Variants in GARRE1 observed in about 807,000 individuals in gnomAD.
GARRE1 encodes granule associated Rac and RHOG effector protein 1.
In GARRE1, 49 loss-of-function variants were observed where a neutral mutation model predicts 103.2. The ratio of observed to expected loss-of-function variants is 0.47; its 90% CI spans 0.38 to 0.60. GARRE1 has a LOEUF of 0.60. Ranked by LOEUF, GARRE1 falls within the 20% of genes least tolerant of loss-of-function variation. GARRE1 has a pLI of 0.00. For missense variants in GARRE1, 1,199 were observed against 1,370.5 expected, an observed-to-expected ratio of 0.87 and a Z score of 1.98; for synonymous variants, 505 against 532.8, an observed-to-expected ratio of 0.95 and a Z score of 0.72.
At chr19:34,330,477 C>T in intron 7 of GARRE1, 130 bp downstream of exon 7, 1 of 884,976 alleles carries the variant, frequency 1.1e-6, no homozygotes, top group Non-Finnish European at 1.7e-6. Flanking sequence ...GGAATTTAGA[C>T]CAGGCAGGTA....
At position 34,300,814 on chromosome 19, in the gene GARRE1, C is replaced by T; in HGVS notation, c.341C>T (p.Ala114Val). ...AGGAACTCTCACTACTCAAAGGCAG[C>T]CACACAGCTCAAAGATGTGCAGGAG... ...VFRNSHYSKA[A>V]TQLKDVQEHV... Residue 114 changes from alanine (A) to valine (V), a missense_variant, in exon 2 of 14, where the codon GCC (alanine) becomes GTC (valine). By Grantham distance (64) the Ala-to-Val change is moderately conservative. Transcript: ENST00000299505. The T allele has an allele frequency of 6.2e-7, 1 of 1,614,204 alleles. No homozygotes were observed. The highest frequency in any genetic ancestry group is 1.1e-5 in the South Asian group (1 of 91,090).
intron 1 of GARRE1, among the ~76,000 whole-genome samples, chr19:34,281,982 C>G (rs561208671): frequency 6.6e-6 from 1 of 152,128 alleles, no homozygotes; most frequent in Non-Finnish European, 1.5e-5. Flanking sequence ...TTTATTCTCC[C>G]ATGGCTTATT....
At chr19:34,322,454 G>A (rs536119635) in intron 3 of GARRE1, among the ~76,000 whole-genome samples, 1 of 152,026 alleles carries the variant, frequency 6.6e-6, no homozygotes, top group Non-Finnish European at 1.5e-5. Context: ...TTACAGGTGT[G>A]AGCCACCATG....
At chr19:34,321,005 A>G (rs2074085347) in intron 3 of GARRE1, among the ~76,000 whole-genome samples, 1 of 147,404 alleles carries the variant, frequency 6.8e-6, no homozygotes, top group South Asian at 2.1e-4. Context: ...CTGCCTCCCA[A>G]AGTGCTGGGA....
chr19:34,352,091 G>A (rs1457516802), intron 13 of GARRE1, among the ~76,000 whole-genome samples: 1 of 149,882 alleles, frequency 6.7e-6, no homozygotes, highest in Admixed American at 6.6e-5. Context: ...GAGCGAGACT[G>A]CCTCTAAAAT....
intron 11 of GARRE1, chr19:34,348,259 CCA>C (rs2074221856): frequency 5.1e-6 from 2 of 390,472 alleles, no homozygotes; most frequent in African/African-American, 4.1e-5. Flanking sequence ...TGTGAACGTG[CCA>C]TTGGTATACA....
At chr19:34,333,659 G>C (rs1444091203) in intron 7 of GARRE1, 45 bp from the exon 8 acceptor site, 10 of 1,091,816 alleles carry the variant, frequency 9.2e-6, no homozygotes, top group Admixed American at 2.1e-5. Flanking sequence ...TTTTCTCTCT[G>C]AAAGCTGGTT....
intron 2 of GARRE1, among the ~76,000 whole-genome samples, chr19:34,313,545 C>T (rs1348414375): frequency 6.6e-6 from 1 of 152,156 alleles, no homozygotes; most frequent in African/African-American, 2.4e-5. Context: ...AGCGGCCTCA[C>T]CCAAGTGATG....
chr19:34,309,865 C>T (rs1030239883), intron 2 of GARRE1, among the ~76,000 whole-genome samples: 2 of 151,852 alleles, frequency 1.3e-5, no homozygotes, highest in African/African-American at 4.8e-5. Flanking sequence ...GTTAGAAAAC[C>T]CAAGGTGTAG....
At chr19:34,296,208 C>G (rs2073946297) in intron 1 of GARRE1, 1 of 547,268 alleles carries the variant, frequency 1.8e-6, no homozygotes, top group Non-Finnish European at 3.2e-6. Context: ...GGATCCCCGC[C>G]CCATGCAGAC....
intron 12 of GARRE1, 46 bp from the exon 13 acceptor site, chr19:34,351,468 G>C: frequency 6.8e-7 from 1 of 1,461,870 alleles, no homozygotes; most frequent in Non-Finnish European, 9.6e-7. Context: ...AGGTGGGCTG[G>C]GCAGGAAGCC....
intron 8 of GARRE1, among the ~76,000 whole-genome samples, chr19:34,338,628 A>G (rs531208911): frequency 6.6e-6 from 1 of 152,276 alleles, no homozygotes; most frequent in East Asian, 1.9e-4. Flanking sequence ...CCAAAATCTC[A>G]GGAAAGAGAA....
intron 2 of GARRE1, among the ~76,000 whole-genome samples, chr19:34,307,547 A>G (rs2074012647): frequency 6.7e-6 from 1 of 148,676 alleles, no homozygotes; most frequent in African/African-American, 2.5e-5. Context: ...TATGCCAGAC[A>G]TATATATAAA....
At chr19:34,321,958 TCTC>T (rs1230274731) in intron 3 of GARRE1, among the ~76,000 whole-genome samples, 1 of 152,076 alleles carries the variant, frequency 6.6e-6, no homozygotes, top group Non-Finnish European at 1.5e-5. Context: ...ATTGTGGGAT[TCTC>T]CTCTCGTGGT....
intron 1 of GARRE1, among the ~76,000 whole-genome samples, chr19:34,278,214 C>T (rs1199247831): frequency 2.0e-5 from 3 of 151,778 alleles, no homozygotes; most frequent in Non-Finnish European, 1.5e-5. Context: ...GAGGCTGAAG[C>T]GGGTGGATCA....
In GARRE1 at chr19:34,354,549, G is replaced by GT. The variant is rs2074259852; in HGVS notation, c.*1595dup. On this transcript the variant is annotated 3_prime_UTR_variant, in exon 14 of 14. Transcript: ENST00000299505. Reference sequence around the variant, plus strand: ...TAGCCGGGTGTGGTGGCGTGCGCCTGTAGTCCCAGCTACTCGGGAGGCTGA... The same window carrying GT: ...TAGCCGGGTGTGGTGGCGTGCGCCTGTTAGTCCCAGCTACTCGGGAGGCTGA... The GT allele has an allele frequency of 6.6e-6, 1 of 152,164 alleles. No individual in the cohort carries two copies. Among genetic ancestry groups the GT allele is most frequent in the African/African-American group, 2.4e-5 (1 of 41,412 alleles). The allele number at this position is 152,164 out of a possible 1,614,324, so 9.4% of individuals were successfully genotyped here.
chr19:34,293,403 A>T (rs1158040909), intron 1 of GARRE1, among the ~76,000 whole-genome samples: 4 of 146,734 alleles, frequency 2.7e-5, no homozygotes, highest in South Asian at 2.2e-4. Flanking sequence ...CTCTTGGAGC[A>T]TTTTTTTTTT....
Position 34,278,700 on chromosome 19 carries a change from A to AGGGT in GARRE1, c.-795-20978_-795-20975dup, listed in dbSNP as rs2073833036. Among the ~76,000 whole-genome samples the AGGGT allele has an allele frequency of 2.6e-5, 4 of 151,886 alleles. No homozygotes were observed. In the South Asian group the frequency reaches 8.3e-4, roughly 32 times the overall value. On this transcript the variant is annotated intron_variant, in intron 1 of 13. Coordinates refer to ENST00000299505, the MANE Select transcript of GARRE1 (RefSeq NM_014686.5). ...TCATTAATTTTTTTTTTTTATTGAC[A>AGGGT]GGGTCTCTGTCACCCAGGCTGGAGT...
chr19:34,306,278 G>T (rs535858592), intron 2 of GARRE1, among the ~76,000 whole-genome samples: 1 of 152,224 alleles, frequency 6.6e-6, no homozygotes, highest in African/African-American at 2.4e-5. Context: ...AGGACTGTGG[G>T]TGAGAAAAGC....
Sources: allele counts gnomAD v4.1 joint callset (sites outside exome capture counted in the v4.1 genomes callset), GRCh38; gene constraint gnomAD v4.1.1; transcripts MANE v1.5; gene names NCBI Gene and HGNC (gene_info 2026-07-23, HGNC 2026-07-21).